ZAP70: variants seen among roughly 807,000 people sequenced by gnomAD.
ZAP70 encodes zeta chain of T cell receptor associated protein kinase 70.
Under a neutral mutation model 65.8 loss-of-function variants are expected in ZAP70, and 27 were observed. The observed-to-expected ratio is 0.41, with a 90% confidence interval of 0.30 to 0.57. The LOEUF (loss-of-function observed/expected upper bound fraction) is 0.57, where lower values mean the gene tolerates loss of function less well. ZAP70 is among the 20% of genes least tolerant of loss of function. The probability of loss-of-function intolerance (pLI) is 0.28; values close to 1 mark genes in which losing one functional copy is unlikely to be tolerated. For synonymous variants in ZAP70, 363 were observed against 360.8 expected (o/e 1.01, Z -0.07); for missense variants, 696 against 870.5 (o/e 0.80, Z 2.52).
chr2:97,730,247 G>T (rs1057117238), intron 4 of ZAP70, among the ~76,000 whole-genome samples: 2 of 152,056 alleles, frequency 1.3e-5, no homozygotes, highest in African/African-American at 4.8e-5. Flanking sequence ...AACAAACACC[G>T]ATCATTTATT....
intron 8 of ZAP70, chr2:97,734,227 G>A (rs1677745083): frequency 1.1e-5 from 7 of 664,152 alleles, no homozygotes; most frequent in South Asian, 2.5e-5. Flanking sequence ...GTACACGTAC[G>A]AATGCACACA....
chr2:97,747,364 G>A, the ZAP70 span, among the ~76,000 whole-genome samples: 3 of 152,182 alleles, frequency 2.0e-5, no homozygotes, highest in African/African-American at 4.8e-5. Flanking sequence ...ATACATACAC[G>A]GAAGCCTTAT....
At chr2:97,724,956 C>G in intron 3 of ZAP70, 136 bp from the exon 4 acceptor site, 1 of 1,535,724 alleles carries the variant, frequency 6.5e-7, no homozygotes, top group South Asian at 1.2e-5. Flanking sequence ...CGGAGGTAGT[C>G]CTCGAAAACC....
At position 97,725,146 on chromosome 2, in the gene ZAP70, A is replaced by G; in HGVS notation, c.457A>G (p.Ile153Val). ...CCAGGCCCCGCAGGTGGAGAAGCTC[A>G]TTGCTACGACGGCCCACGAGCGGAT... ...ISQAPQVEKL[I>V]ATTAHERMPW... Residue 153 changes from isoleucine to valine, a missense_variant, in exon 4 of 14, where the codon ATT (isoleucine) becomes GTT (valine). By Grantham distance (29) the Ile-to-Val change is conservative. This residue lies in a region of ZAP70 where 551 missense variants were observed against 630.0 expected (regional missense o/e 0.87). Transcript: ENST00000264972. The G allele has an allele frequency of 6.2e-7, 1 of 1,612,814 alleles. No individual in the cohort carries two copies. Among genetic ancestry groups the G allele is most frequent in the Non-Finnish European group, 8.5e-7 (1 of 1,178,840 alleles).
chr2:97,735,293 G>A lies in ZAP70; in HGVS notation c.1126G>A (p.Glu376Lys), dbSNP rs764746969. 6.2e-7 allele frequency: 1 copy of A among 1,614,118 alleles called. No individual in the cohort carries two copies. The highest frequency in any genetic ancestry group is 8.5e-7 in the Non-Finnish European group (1 of 1,179,972). ...CATCAAGGTGCTGAAGCAGGGCACGGAGAAGGCAGACACGGAAGAGATGAT... is the reference window on the plus strand; with the variant it reads ...CATCAAGGTGCTGAAGCAGGGCACGAAGAAGGCAGACACGGAAGAGATGAT... ...VAIKVLKQGT[E>K]KADTEEMMRE... The change falls in exon 10 of 14, where the codon GAG (glutamate) becomes AAG (lysine). Residue 376 changes from glutamate to lysine, a missense_variant. Physicochemically the swap from Glu to Lys is moderately conservative, Grantham distance 56 (BLOSUM62 1). This residue lies in a region of ZAP70 where 551 missense variants were observed against 630.0 expected (regional missense o/e 0.87). Coordinates refer to ENST00000264972, the MANE Select transcript of ZAP70 (RefSeq NM_001079.4).
At chr2:97,720,801 A>T (rs147610231) in intron 2 of ZAP70, among the ~76,000 whole-genome samples, 125 of 151,748 alleles carry the variant, frequency 8.2e-4, no homozygotes, top group Non-Finnish European at 1.4e-3. Flanking sequence ...GGCCCTCCCA[A>T]CCTCACTGTC....
At chr2:97,718,969 T>C (rs1373191515) in intron 2 of ZAP70, among the ~76,000 whole-genome samples, 2 of 152,124 alleles carry the variant, frequency 1.3e-5, no homozygotes, top group Admixed American at 6.6e-5. Flanking sequence ...GGGTGCTGTG[T>C]GGATGAAAGT....
Position 97,722,260 on chromosome 2 carries a change from A to T in ZAP70, c.-21-1756A>T, listed in dbSNP as rs1384765073. 4.1e-5 allele frequency among the ~76,000 whole-genome samples: 6 copies of T among 146,566 alleles called. No individual in the cohort carries two copies. The East Asian group carries it at 1.0e-3, about 25-fold the overall frequency. On this transcript the variant is annotated intron_variant, in intron 2 of 13. Coordinates refer to ENST00000264972, the MANE Select transcript of ZAP70 (RefSeq NM_001079.4). Reference sequence around the variant, plus strand: ...CACCTCTGGCTAATTTTTTGTATTTATGGTGGAGACGGGGTTTCACCATGT... The same window carrying T: ...CACCTCTGGCTAATTTTTTGTATTTTTGGTGGAGACGGGGTTTCACCATGT...
chr2:97,740,891 A>G (rs904320524), downstream of ZAP70, among the ~76,000 whole-genome samples: 1 of 152,212 alleles, frequency 6.6e-6, no homozygotes, highest in Non-Finnish European at 1.5e-5. Context: ...AAGGATTGAG[A>G]AAAAGACAGT....
Position 97,733,341 on chromosome 2 carries a change from CAT to C in ZAP70, c.836_837del (p.His279ProfsTer16). 1.3e-6 allele frequency: 2 copies of C among 1,594,412 alleles called. No homozygotes were observed. Among genetic ancestry groups the C allele is most frequent in the East Asian group, 2.2e-5 (1 of 44,596 alleles). On this transcript the variant is annotated frameshift_variant and splice_region_variant, in exon 7 of 14. Coordinates refer to ENST00000264972, the MANE Select transcript of ZAP70 (RefSeq NM_001079.4). LOFTEE classifies it high-confidence loss of function. ...TLPAHPSTLT[H>X]PQRRIDTLNS... The stretch of plus-strand genomic sequence containing the variant: ...CCCAGCCCACCCATCCACGTTGACT[CAT>C]GTGAGTTGGGGGCACCTGGAGTGTG...
At chr2:97,717,491 C>CGAGGAGCCTCTGGCTGGGGGGACAT (rs1559315933) in intron 2 of ZAP70, among the ~76,000 whole-genome samples, 1 of 136,046 alleles carries the variant, frequency 7.4e-6, no homozygotes, top group Non-Finnish European at 1.6e-5. Flanking sequence ...TGGGGGGACA[C>CGAGGAGCCTCTGGCTGGGGGGACAT]GTGGAGCCTC....
intron 4 of ZAP70, among the ~76,000 whole-genome samples, chr2:97,730,286 G>T (rs1312126912): frequency 6.6e-6 from 1 of 152,160 alleles, no homozygotes; most frequent in Non-Finnish European, 1.5e-5. Flanking sequence ...CAATTTGGCT[G>T]GTTGCTTGGT....
intron 13 of ZAP70, among the ~76,000 whole-genome samples, chr2:97,738,884 T>C (rs1434538811): frequency 6.6e-6 from 1 of 152,054 alleles, no homozygotes; most frequent in Non-Finnish European, 1.5e-5. Flanking sequence ...ACACAGTCCA[T>C]GGATACCCCA....
chr2:97,749,166 A>C, the ZAP70 span, among the ~76,000 whole-genome samples: 7 of 151,784 alleles, frequency 4.6e-5, no homozygotes, highest in African/African-American at 1.7e-4. Context: ...CCCGCCACCA[A>C]GCCCGGCTAA....
the ZAP70 span, among the ~76,000 whole-genome samples, chr2:97,754,307 C>T: frequency 3.3e-5 from 5 of 151,670 alleles, no homozygotes; most frequent in South Asian, 2.1e-4. Flanking sequence ...GGAGTTTGGT[C>T]GGGGGGGGTC....
chr2:97,716,158 T>C (rs1676903629), intron 2 of ZAP70, among the ~76,000 whole-genome samples: 4 of 152,132 alleles, frequency 2.6e-5, no homozygotes, highest in Admixed American at 1.3e-4. Flanking sequence ...AGTTCTGGGC[T>C]GAGGGAATAG....
At chr2:97,730,701 G>A (rs1319234418) in intron 4 of ZAP70, among the ~76,000 whole-genome samples, 2 of 152,130 alleles carry the variant, frequency 1.3e-5, no homozygotes, top group African/African-American at 4.8e-5. Context: ...TTTTCCCCCA[G>A]TATTCCACAT....
At chr2:97,755,002 A>G in the ZAP70 span, among the ~76,000 whole-genome samples, 1 of 152,214 alleles carries the variant, frequency 6.6e-6, no homozygotes, top group Admixed American at 6.5e-5. Context: ...CAGGTTCACA[A>G]TCACGCCAAA....
intron 2 of ZAP70, among the ~76,000 whole-genome samples, chr2:97,717,901 C>T (rs1677002151): frequency 6.6e-6 from 1 of 152,168 alleles, no homozygotes; most frequent in African/African-American, 2.4e-5. Context: ...TCCAAGGCTT[C>T]CTCCCATCAT....
Sources: gnomAD v4.1 joint callset for allele counts (sites outside exome capture counted in the v4.1 genomes callset) on GRCh38, gnomAD v4.1.1 for gene constraint, gnomAD v4.1.1 regional missense constraint, MANE v1.5 for transcripts, NCBI Gene and HGNC (gene_info 2026-07-23, HGNC 2026-07-21) for gene names.